Variants in MALRD1 observed in about 807,000 individuals in gnomAD.
The protein encoded by MALRD1 is MAM and LDL-receptor class A domain-containing protein 1.
MALRD1 carries 247 observed loss-of-function variants against 242.1 expected under a neutral mutation model. The observed-to-expected ratio is 1.02, with a 90% CI of 0.92 to 1.13. The LOEUF is 1.13. MALRD1 is among the 50% of genes most tolerant of loss of function. The pLI, the probability that MALRD1 is intolerant of heterozygous loss-of-function variation, is 0.00. For missense variants in MALRD1, 2,989 were observed against 2,533.1 expected (o/e 1.18, Z -3.86); for synonymous variants, 995 against 866.6 (o/e 1.15, Z -2.60).
At position 19,391,161 on chromosome 10, in the gene MALRD1, G is replaced by T. The variant is rs137988414; in HGVS notation, c.4845+1552G>T. Among the ~76,000 whole-genome samples the T allele has an allele frequency of 1.7e-3, 265 of 152,164 alleles. 1 individual carries two copies. The highest frequency in any genetic ancestry group is 6.1e-3 in the African/African-American group (252 of 41,500). ...CCTACCAATGGCATAGAATTCCTGT[G>T]GTTCCTCTAATTGATTCTTAGGGAA... On this transcript the variant is annotated intron_variant, in intron 28 of 39. Coordinates refer to ENST00000454679, the MANE Select transcript of MALRD1 (RefSeq NM_001142308.3).
intron 29 of MALRD1, among the ~76,000 whole-genome samples, chr10:19,490,510 G>T (rs755076221): frequency 0.02 from 1,362 of 67,318 alleles, 105 homozygotes; most frequent in East Asian, 0.18. Context: ...GTGGGGCGGG[G>T]GGGGGGCAGG....
intron 32 of MALRD1, among the ~76,000 whole-genome samples, chr10:19,554,668 C>G (rs1453023941): frequency 1.3e-5 from 2 of 152,104 alleles, no homozygotes; most frequent in African/African-American, 4.8e-5. Context: ...CCTGTGTTAG[C>G]ATGCTGAGGA....
chr10:19,606,292 A>C (rs1344185112), intron 34 of MALRD1, among the ~76,000 whole-genome samples: 1 of 152,134 alleles, frequency 6.6e-6, no homozygotes, highest in East Asian at 1.9e-4. Flanking sequence ...GTCTTTATTC[A>C]TGTGCAAGGA....
At chr10:19,539,935 G>T (rs1834889692) in intron 32 of MALRD1, among the ~76,000 whole-genome samples, 1 of 148,564 alleles carries the variant, frequency 6.7e-6, no homozygotes, top group Admixed American at 6.7e-5. Flanking sequence ...CAGTGATGGG[G>T]TTTTGCCATG....
At chr10:19,261,848 A>G (rs1839765310) in intron 19 of MALRD1, among the ~76,000 whole-genome samples, 1 of 148,298 alleles carries the variant, frequency 6.7e-6, no homozygotes, top group African/African-American at 2.4e-5. Flanking sequence ...GAATTTCCAC[A>G]GTCGTCTTTG....
chr10:19,655,093 A>C (rs139987352), intron 36 of MALRD1, among the ~76,000 whole-genome samples: 1 of 152,308 alleles, frequency 6.6e-6, no homozygotes, highest in East Asian at 1.9e-4. Context: ...GAAGAATAGG[A>C]ATCTGTAGAC....
intron 33 of MALRD1, among the ~76,000 whole-genome samples, chr10:19,570,427 A>T (rs1031439540): frequency 2.0e-5 from 3 of 152,088 alleles, no homozygotes; most frequent in Non-Finnish European, 2.9e-5. Flanking sequence ...ATTTGAAGTA[A>T]ACTCAAATCT....
intron 18 of MALRD1, among the ~76,000 whole-genome samples, chr10:19,255,499 T>G (rs779533040): frequency 2.0e-5 from 3 of 152,048 alleles, no homozygotes; most frequent in Non-Finnish European, 4.4e-5. Context: ...AGGGTTAAAG[T>G]AGGGTTAAAC....
intron 36 of MALRD1, among the ~76,000 whole-genome samples, chr10:19,620,766 G>C (rs1839365547): frequency 6.6e-6 from 1 of 151,932 alleles, no homozygotes; most frequent in South Asian, 2.1e-4. Flanking sequence ...AATAAATGAT[G>C]AGTGAATGTA....
chr10:19,517,343 T>C (rs993612502), intron 31 of MALRD1, among the ~76,000 whole-genome samples: 6 of 152,152 alleles, frequency 3.9e-5, no homozygotes, highest in African/African-American at 1.2e-4. Flanking sequence ...TCTTTTCCAA[T>C]AGCCTGGCTG....
At chr10:19,172,294 A>G (rs1461383815) in intron 13 of MALRD1, among the ~76,000 whole-genome samples, 1 of 151,206 alleles carries the variant, frequency 6.6e-6, no homozygotes, top group South Asian at 2.1e-4. Context: ...TGAGATGGTC[A>G]TTATTTACAG....
intron 35 of MALRD1, among the ~76,000 whole-genome samples, chr10:19,609,123 A>G (rs1321846618): frequency 6.6e-6 from 1 of 152,056 alleles, no homozygotes; most frequent in Non-Finnish European, 1.5e-5. Context: ...ATAGGATCAG[A>G]AAAACAGAAG....
At chr10:19,211,626 G>T (rs1837072555) in intron 18 of MALRD1, among the ~76,000 whole-genome samples, 1 of 141,940 alleles carries the variant, frequency 7.0e-6, no homozygotes, top group South Asian at 2.2e-4. Context: ...GGCTGAAGTT[G>T]CAGTGAGCCG....
At chr10:19,330,947 A>G (rs1296809926) in intron 23 of MALRD1, among the ~76,000 whole-genome samples, 2 of 152,032 alleles carry the variant, frequency 1.3e-5, no homozygotes, top group South Asian at 4.1e-4. Flanking sequence ...ACAAGAATTG[A>G]GCAAAATAAA....
chr10:19,215,783 TATAA>T (rs1413164760), intron 18 of MALRD1, among the ~76,000 whole-genome samples: 5 of 51,974 alleles, frequency 9.6e-5, no homozygotes, highest in East Asian at 4.2e-4. Flanking sequence ...GTATAATTAG[TATAA>T]ATAAATAGTA....
chr10:19,069,192 G>A (rs1176147716), intron 2 of MALRD1, among the ~76,000 whole-genome samples: 2 of 151,872 alleles, frequency 1.3e-5, no homozygotes, highest in African/African-American at 4.8e-5. Flanking sequence ...TTCCCATTAT[G>A]CCACAGATTA....
chr10:19,197,469 C>T (rs1393614867), intron 14 of MALRD1, among the ~76,000 whole-genome samples: 3 of 152,162 alleles, frequency 2.0e-5, no homozygotes, highest in African/African-American at 7.2e-5. Context: ...AAGTGACTGT[C>T]TAATATAATA....
intron 32 of MALRD1, among the ~76,000 whole-genome samples, chr10:19,537,921 A>G (rs567758594): frequency 1.3e-4 from 20 of 152,338 alleles, no homozygotes; most frequent in African/African-American, 4.6e-4. Context: ...TCAGAAGTCC[A>G]GGGCAACAAA....
chr10:19,313,688 G>A (rs186253202), intron 21 of MALRD1, among the ~76,000 whole-genome samples: 1 of 151,644 alleles, frequency 6.6e-6, no homozygotes, highest in Admixed American at 6.6e-5. Flanking sequence ...GAGACTCTTA[G>A]AGTCCTATTT....
Sources: gnomAD v4.1 joint callset for allele counts (sites outside exome capture counted in the v4.1 genomes callset) on GRCh38, gnomAD v4.1.1 for gene constraint, MANE v1.5 for transcripts, NCBI Gene and HGNC (gene_info 2026-07-23, HGNC 2026-07-21) for gene names.